The following HTR5A variants were observed in gnomAD, a reference collection of about 807,000 sequenced individuals.
The protein encoded by HTR5A is 5-HT-5.
A neutral mutation model predicts 24.3 loss-of-function variants in HTR5A; 21 were observed. The observed-to-expected ratio is 0.86, with a 90% CI of 0.61 to 1.24. The LOEUF is 1.24. Among genes scored for constraint, HTR5A ranks in the 50% most tolerant of loss-of-function variants. HTR5A has a pLI of 0.00. For missense variants in HTR5A, 497 were observed against 489.5 expected (o/e 1.02, Z -0.15); for synonymous variants, 260 against 213.7 (o/e 1.22, Z -1.89).
At chr7:155,078,398 G>A (rs1436139019) in intron 1 of HTR5A, among the ~76,000 whole-genome samples, 1 of 152,150 alleles carries the variant, frequency 6.6e-6, no homozygotes, top group East Asian at 1.9e-4. Context: ...GCTGCTTGAA[G>A]GTTTTCTGAA....
chr7:155,070,396 AAGC>A lies in HTR5A; in HGVS notation c.-501_-499del. On this transcript the variant is annotated 5_prime_UTR_variant, in exon 1 of 2. Coordinates refer to ENST00000287907, the MANE Select transcript of HTR5A (RefSeq NM_024012.4). ...ACAGGGACAGAAGGCAGGTCCCAGA[AAGC>A]AGGTTCCCCCAAAACTGGCTTCCCT... 4.4e-6 allele frequency: 2 copies of A among 455,414 alleles called. No individual in the cohort carries two copies. Among genetic ancestry groups the A allele is most frequent in the Non-Finnish European group, 8.8e-6 (2 of 226,626 alleles). 28.2% of individuals were successfully genotyped at this position (455,414 alleles called of 1,614,324 possible). A position where few individuals can be genotyped will look rare whatever the true frequency, so the allele number is the denominator to read the frequency against.
In HTR5A at chr7:155,085,540, T is replaced by C. The variant is rs1166814381; in HGVS notation, c.*1053T>C. 1 of 152,052 alleles carries C rather than the reference T, an allele frequency of 6.6e-6. No homozygotes were observed. Among genetic ancestry groups the C allele is most frequent in the Non-Finnish European group, 1.5e-5 (1 of 68,022 alleles). 9.4% of individuals were successfully genotyped at this position (152,052 alleles called of 1,614,324 possible). ...GTAGGCAATGAAAAAGACAGAACAA[T>C]GGTAAAATGCAGCCCCAGTCCTCTA... On this transcript the variant is annotated 3_prime_UTR_variant, in exon 2 of 2. Coordinates refer to ENST00000287907, the MANE Select transcript of HTR5A (RefSeq NM_024012.4).
At position 155,085,023 on chromosome 7, in the gene HTR5A, A is replaced by G. The variant is rs532737439; in HGVS notation, c.*536A>G. The G allele has an allele frequency of 1.3e-5, 2 of 153,470 alleles. No homozygotes were observed. Among genetic ancestry groups the G allele is most frequent in the African/African-American group, 4.8e-5 (2 of 41,372 alleles). 9.5% of individuals were successfully genotyped at this position (153,470 alleles called of 1,614,324 possible). A position where few individuals can be genotyped will look rare whatever the true frequency, so the allele number is the denominator to read the frequency against. On this transcript the variant is annotated 3_prime_UTR_variant, in exon 2 of 2. Coordinates refer to ENST00000287907, the MANE Select transcript of HTR5A (RefSeq NM_024012.4). ...AGTTGACCACAAAACACTGTCTCCA[A>G]ATATATTAAAGTATATAGTCCTATC...
chr7:155,070,530 C>T lies in HTR5A; in HGVS notation c.-370C>T, dbSNP rs1795276251. The T allele has an allele frequency of 8.2e-6, 3 of 364,144 alleles. No individual in the cohort carries two copies. The highest frequency in any genetic ancestry group is 8.3e-5 in the Admixed American group (2 of 24,138). 22.6% of individuals were successfully genotyped at this position (364,144 alleles called of 1,614,324 possible). ...CGCACCAGCCCCTCTCCTGCACCCA[C>T]ACGCTGCTGGCCGCCCAGCTTCTCC... On this transcript the variant is annotated 5_prime_UTR_variant, in exon 1 of 2. Transcript: ENST00000287907.
chr7:155,072,492 T>G (rs2150816827), intron 1 of HTR5A, among the ~76,000 whole-genome samples: 2 of 152,306 alleles, frequency 1.3e-5, no homozygotes, highest in South Asian at 4.1e-4. Context: ...GCTTTTCTCA[T>G]CTTCTCCCAC....
chr7:155,071,098 C>T lies in HTR5A; in HGVS notation c.199C>T (p.Arg67Cys), dbSNP rs751769358. 1.9e-6 allele frequency: 3 copies of T among 1,607,336 alleles called. No homozygotes were observed. Among genetic ancestry groups the T allele is most frequent in the African/African-American group, 1.3e-5 (1 of 75,056 alleles). Residue 67 changes from arginine to cysteine, a missense_variant, in exon 1 of 2, where the codon CGT (arginine) becomes TGT (cysteine). Physicochemically the swap from Arg to Cys is radical, Grantham distance 180 (BLOSUM62 -3). Coordinates refer to ENST00000287907, the MANE Select transcript of HTR5A (RefSeq NM_024012.4). The part of the protein sequence containing the change: ...WNLLVLATIL[R>C]VRTFHRVPHN... ...CCTGCTGGTGCTGGCGACCATCCTCCGTGTACGCACCTTCCACCGCGTGCC... is the reference window on the plus strand; with the variant it reads ...CCTGCTGGTGCTGGCGACCATCCTCTGTGTACGCACCTTCCACCGCGTGCC...
In HTR5A at chr7:155,071,372, C is replaced by A; in HGVS notation, c.473C>A (p.Ser158Tyr). The change falls in exon 1 of 2, where the codon TCC becomes TAC. Residue 158 changes from serine (S) to tyrosine (Y), a missense_variant. Transcript: ENST00000287907. ...ACGCTCCGCACCCGCAAGTGCGTCT[C>A]CAACGTCATGATCGCGCTCACCTGG... ...EYTLRTRKCV[S>Y]NVMIALTWAL... The A allele has an allele frequency of 6.2e-7, 1 of 1,614,064 alleles. No individual in the cohort carries two copies. Among genetic ancestry groups the A allele is most frequent in the African/African-American group, 1.3e-5 (1 of 75,076 alleles).
At chr7:155,076,021 C>T (rs1795355931) in intron 1 of HTR5A, among the ~76,000 whole-genome samples, 1 of 152,202 alleles carries the variant, frequency 6.6e-6, no homozygotes, top group African/African-American at 2.4e-5. Context: ...GAGCAATTAA[C>T]TTTTCTTCTC....
chr7:155,074,942 T>C (rs566791510), intron 1 of HTR5A, among the ~76,000 whole-genome samples: 1 of 152,336 alleles, frequency 6.6e-6, no homozygotes, highest in Non-Finnish European at 1.5e-5. Context: ...TCAAGAGGTT[T>C]GAAGCCTTTT....
intron 1 of HTR5A, 32 bp downstream of exon 1, chr7:155,071,672 G>T (rs368599563): frequency 1.2e-6 from 2 of 1,604,126 alleles, no homozygotes; most frequent in South Asian, 2.2e-5. Flanking sequence ...AAAAATACTC[G>T]ACTTGCATCT....
chr7:155,071,885 G>A (rs1029700853), intron 1 of HTR5A, among the ~76,000 whole-genome samples: 5 of 152,142 alleles, frequency 3.3e-5, no homozygotes, highest in Admixed American at 6.5e-5. Context: ...TACAGAACAC[G>A]AGGAGTTCAG....
intron 1 of HTR5A, among the ~76,000 whole-genome samples, chr7:155,072,776 A>G (rs1795311600): frequency 6.6e-6 from 1 of 152,124 alleles, no homozygotes; most frequent in Non-Finnish European, 1.5e-5. Context: ...TAGGGAGGGA[A>G]ATAGACATCC....
chr7:155,082,729 C>A (rs1167088353), intron 1 of HTR5A, among the ~76,000 whole-genome samples: 1 of 152,204 alleles, frequency 6.6e-6, no homozygotes, highest in Non-Finnish European at 1.5e-5. Context: ...TCCCTCTTTC[C>A]TTTATGCTGA....
rs1284509350 is a variant in HTR5A, at chr7:155,087,298, T to C, written c.*2811T>C. Among the ~76,000 whole-genome samples the C allele has an allele frequency of 6.6e-6, 1 of 152,206 alleles. No individual in the cohort carries two copies. The highest frequency in any genetic ancestry group is 2.1e-4 in the South Asian group (1 of 4,828). ...TTTGCTTCCGTGTTTGTCTGTTGGA[T>C]TTGCAGTTCCCTGCTCACAGCCAAA... On this transcript the variant is annotated 3_prime_UTR_variant, in exon 2 of 2. Coordinates refer to ENST00000287907, the MANE Select transcript of HTR5A (RefSeq NM_024012.4).
chr7:155,077,945 T>G (rs1795376045), intron 1 of HTR5A, among the ~76,000 whole-genome samples: 1 of 152,204 alleles, frequency 6.6e-6, no homozygotes, highest in Non-Finnish European at 1.5e-5. Context: ...TAGTTGTATA[T>G]CTAGTTACAG....
At chr7:155,080,638 A>T (rs1026309627) in intron 1 of HTR5A, among the ~76,000 whole-genome samples, 4 of 152,256 alleles carry the variant, frequency 2.6e-5, no homozygotes, top group African/African-American at 9.6e-5. Flanking sequence ...AGAGGAAGCT[A>T]TGCTTGTCAG....
At chr7:155,072,268 C>T (rs1795305836) in intron 1 of HTR5A, among the ~76,000 whole-genome samples, 1 of 152,180 alleles carries the variant, frequency 6.6e-6, no homozygotes, top group African/African-American at 2.4e-5. Flanking sequence ...CCGGAGCCTG[C>T]ATTTGTTATC....
In HTR5A at chr7:155,084,229, G is replaced by A. The variant is rs766169807; in HGVS notation, c.816G>A (p.Gly272=). ...RHATVTFQPE[G]DTWREQKEQR... ...CCACCGTCACCTTCCAGCCAGAAGG[G>A]GACACGTGGCGGGAGCAGAAGGAGC... Residue 272 remains glycine (G), a synonymous_variant, in exon 2 of 2, where the codon GGG becomes GGA. Coordinates refer to ENST00000287907, the MANE Select transcript of HTR5A (RefSeq NM_024012.4). The A allele has an allele frequency of 6.2e-7, 1 of 1,614,074 alleles. No homozygotes were observed. Among genetic ancestry groups the A allele is most frequent in the Non-Finnish European group, 8.5e-7 (1 of 1,180,014 alleles).
intron 1 of HTR5A, among the ~76,000 whole-genome samples, chr7:155,083,297 A>G (rs1004582977): frequency 6.6e-6 from 1 of 152,190 alleles, no homozygotes. Context: ...TCACCAGAGA[A>G]TGAATGACTC....
Sources: gnomAD v4.1 joint callset for allele counts (sites outside exome capture counted in the v4.1 genomes callset) on GRCh38, gnomAD v4.1.1 for gene constraint, MANE v1.5 for transcripts, NCBI Gene and HGNC (gene_info 2026-07-23, HGNC 2026-07-21) for gene names.